Variants in BLTP2 observed in about 807,000 individuals in gnomAD.
The protein encoded by BLTP2 is U937-associated antigen.
chr17:28,644,026 T>G, the BLTP2 span: 2 of 1,611,720 alleles, frequency 1.2e-6, no homozygotes, highest in African/African-American at 1.3e-5. Context: ...GGATCAACCC[T>G]ACACACATAT....
At chr17:28,642,605 C>G in the BLTP2 span, 7 of 559,088 alleles carry the variant, frequency 1.3e-5, no homozygotes, top group African/African-American at 3.8e-5. Flanking sequence ...GAGCCAAGAC[C>G]GCACCACTGC....
the BLTP2 span, chr17:28,632,120 TCAG>T: frequency 6.2e-7 from 1 of 1,614,202 alleles, no homozygotes; most frequent in Non-Finnish European, 8.5e-7. Flanking sequence ...TTGCTGGGTT[TCAG>T]GTTATTGAAG....
chr17:28,627,719 G>A, the BLTP2 span, among the ~76,000 whole-genome samples: 1 of 151,292 alleles, frequency 6.6e-6, no homozygotes, highest in Non-Finnish European at 1.5e-5. Flanking sequence ...TTTTTGAGAT[G>A]GAGTCCTGCT....
At chr17:28,632,836 C>T in the BLTP2 span, 1 of 822,214 alleles carries the variant, frequency 1.2e-6, no homozygotes. Flanking sequence ...TCTCCCTTGC[C>T]CTTCTCCCCT....
the BLTP2 span, chr17:28,639,696 A>G: frequency 5.8e-6 from 9 of 1,549,260 alleles, no homozygotes; most frequent in Non-Finnish European, 8.0e-6. Context: ...GCAAGAGGTA[A>G]AACTGGGAGA....
the BLTP2 span, among the ~76,000 whole-genome samples, chr17:28,641,241 C>T: frequency 1.1e-4 from 17 of 152,224 alleles, no homozygotes; most frequent in South Asian, 1.5e-3. Flanking sequence ...CTTGTGGATG[C>T]GGAACACACA....
chr17:28,628,611 C>T, the BLTP2 span: 1 of 1,486,164 alleles, frequency 6.7e-7, no homozygotes. Flanking sequence ...CCCCCAGTGC[C>T]ACAGAGGCAG....
chr17:28,631,535 G>A, the BLTP2 span: 3 of 1,614,156 alleles, frequency 1.9e-6, no homozygotes, highest in African/African-American at 1.3e-5. Flanking sequence ...AAGCTCAGCA[G>A]GTGGGTCTTT....
chr17:28,615,833 G>A, the BLTP2 span: 1 of 1,611,404 alleles, frequency 6.2e-7, no homozygotes, highest in Non-Finnish European at 8.5e-7. Context: ...GAAAAAAAGA[G>A]GGGTGGGGAA....
At chr17:28,638,577 A>G in the BLTP2 span, 1 of 1,613,958 alleles carries the variant, frequency 6.2e-7, no homozygotes, top group African/African-American at 1.3e-5. Context: ...TCCAAGTTGA[A>G]TGGAAATGTT....
chr17:28,637,299 G>A, the BLTP2 span: 1 of 753,832 alleles, frequency 1.3e-6, no homozygotes, highest in South Asian at 1.7e-5. Context: ...CATTTCTTAG[G>A]TTTTAAGTAA....
chr17:28,630,694 G>C, the BLTP2 span, among the ~76,000 whole-genome samples: 4 of 151,782 alleles, frequency 2.6e-5, no homozygotes, highest in African/African-American at 9.7e-5. Context: ...ATGTTGGTCA[G>C]GCTAGTCTTG....
chr17:28,640,776 C>G, the BLTP2 span: 1 of 1,260,500 alleles, frequency 7.9e-7, no homozygotes, highest in Non-Finnish European at 1.1e-6. Context: ...AATCCTCCCA[C>G]ATAAAGTAGG....
At chr17:28,619,636 G>A in the BLTP2 span, 6 of 1,612,990 alleles carry the variant, frequency 3.7e-6, no homozygotes, top group South Asian at 6.6e-5. Flanking sequence ...AAAGGGCAAG[G>A]AAAGAATGCT....
the BLTP2 span, chr17:28,637,744 T>C: frequency 9.4e-6 from 12 of 1,279,218 alleles, no homozygotes; most frequent in Non-Finnish European, 1.3e-5. Context: ...CCATCTCAGC[T>C]CACTGCAAAC....
the BLTP2 span, among the ~76,000 whole-genome samples, chr17:28,619,468 T>TA: frequency 3.8e-3 from 526 of 140,010 alleles, 1 homozygote; most frequent in Middle Eastern, 0.011. Flanking sequence ...ACTTTGTCTC[T>TA]AAAAAAAAAA....
At chr17:28,629,004 G>C in the BLTP2 span, among the ~76,000 whole-genome samples, 2 of 151,612 alleles carry the variant, frequency 1.3e-5, no homozygotes, top group African/African-American at 4.8e-5. Flanking sequence ...AGTGGTCTTG[G>C]CTTTTATATT....
chr17:28,630,493 ATTTTGGAGACAG>A, the BLTP2 span, among the ~76,000 whole-genome samples: 1 of 52,670 alleles, frequency 1.9e-5, no homozygotes, highest in South Asian at 5.8e-4. Context: ...TTTTTTTTGT[ATTTTGGAGACAG>A]CATCTTGCTC....
At chr17:28,614,690 G>A in the BLTP2 span, 2 of 151,392 alleles carry the variant, frequency 1.3e-5, no homozygotes, top group African/African-American at 2.4e-5. Flanking sequence ...CACAGAGGAA[G>A]GACAGTTACA....
Sources: allele counts gnomAD v4.1 joint callset (sites outside exome capture counted in the v4.1 genomes callset), GRCh38; gene constraint gnomAD v4.1.1; transcripts MANE v1.5; gene names NCBI Gene and HGNC (gene_info 2026-07-23, HGNC 2026-07-21).